The following HIVEP3 variants were observed in gnomAD, a reference collection of about 807,000 sequenced individuals.
HIVEP3 encodes the protein transcription factor HIVEP3.
In HIVEP3, 49 loss-of-function variants were observed where a neutral mutation model predicts 152.8. That is an observed-to-expected ratio of 0.32 (90% CI 0.26 to 0.41). The LOEUF (loss-of-function observed/expected upper bound fraction) is 0.41, where lower values mean the gene tolerates loss of function less well. Ranked by LOEUF, HIVEP3 falls within the 10% of genes least tolerant of loss-of-function variation. HIVEP3 has a pLI of 1.00. For missense variants in HIVEP3, 2,790 were observed against 3,103.3 expected (o/e 0.90, Z 2.40); for synonymous variants, 1,269 against 1,289.0 (o/e 0.98, Z 0.33).
At chr1:41,518,695 A>G (rs1325553469) in intron 6 of HIVEP3, among the ~76,000 whole-genome samples, 1 of 152,172 alleles carries the variant, frequency 6.6e-6, no homozygotes, top group Non-Finnish European at 1.5e-5. Context: ...TGTTCAGGGC[A>G]GTGCACAGCA....
chr1:41,585,839 G>T (rs1228560741), intron 3 of HIVEP3, among the ~76,000 whole-genome samples: 1 of 152,174 alleles, frequency 6.6e-6, no homozygotes, highest in Non-Finnish European at 1.5e-5. Context: ...GGAGGGAAGT[G>T]CCTGTGGTTT....
intron 5 of HIVEP3, among the ~76,000 whole-genome samples, chr1:41,541,072 A>C (rs1173605619): frequency 1.3e-5 from 2 of 152,142 alleles, no homozygotes; most frequent in Non-Finnish European, 2.9e-5. Flanking sequence ...CTGCGAGTGC[A>C]GTGGTTAGGC....
chr1:41,526,262 C>A (rs1242809257), intron 5 of HIVEP3, among the ~76,000 whole-genome samples: 1 of 151,374 alleles, frequency 6.6e-6, no homozygotes, highest in African/African-American at 2.4e-5. Flanking sequence ...CACATGCTCA[C>A]ACCCACACAC....
intron 2 of HIVEP3, among the ~76,000 whole-genome samples, chr1:41,639,771 G>GA (rs1324345474): frequency 1.3e-5 from 2 of 152,158 alleles, no homozygotes; most frequent in Admixed American, 1.3e-4. Context: ...GCTGCCTTGG[G>GA]AACCTTCCCG....
At chr1:41,679,677 G>A (rs1646009319) in intron 2 of HIVEP3, among the ~76,000 whole-genome samples, 2 of 152,194 alleles carry the variant, frequency 1.3e-5, no homozygotes, top group Non-Finnish European at 2.9e-5. Flanking sequence ...AGCTCTGCTT[G>A]GCTCCAGACT....
intron 1 of HIVEP3, among the ~76,000 whole-genome samples, chr1:41,852,428 A>C (rs1164513723): frequency 6.6e-6 from 1 of 152,146 alleles, no homozygotes; most frequent in Non-Finnish European, 1.5e-5. Flanking sequence ...TTTGGCCCAA[A>C]TGCTTTGGAT....
At chr1:41,892,606 G>T (rs1279263243) in intron 1 of HIVEP3, among the ~76,000 whole-genome samples, 2 of 152,190 alleles carry the variant, frequency 1.3e-5, no homozygotes, top group East Asian at 3.8e-4. Context: ...TTGAACGTTG[G>T]CTCTCCTCTT....
intron 1 of HIVEP3, among the ~76,000 whole-genome samples, chr1:41,738,268 C>A (rs562057619): frequency 1.1e-4 from 17 of 152,262 alleles, no homozygotes; most frequent in African/African-American, 4.1e-4. Context: ...CCTTGTACTG[C>A]GCAGAAATCG....
At chr1:41,612,335 C>T (rs74069949) in intron 3 of HIVEP3, among the ~76,000 whole-genome samples, 4 of 152,304 alleles carry the variant, frequency 2.6e-5, no homozygotes, top group East Asian at 3.9e-4. Context: ...TGCCGCCTTA[C>T]GTTAGTGCAG....
chr1:41,656,697 AACTAAC>A (rs1645634162), intron 2 of HIVEP3, among the ~76,000 whole-genome samples: 1 of 152,182 alleles, frequency 6.6e-6, no homozygotes, highest in Non-Finnish European at 1.5e-5. Context: ...TGCTCATCTC[AACTAAC>A]ACTCACAGTG....
chr1:41,607,820 G>A (rs1644842934), intron 3 of HIVEP3, among the ~76,000 whole-genome samples: 1 of 152,176 alleles, frequency 6.6e-6, no homozygotes, highest in Admixed American at 6.5e-5. Flanking sequence ...GAGTTTAAGT[G>A]GCCATGGCTG....
At chr1:41,884,085 C>G (rs1430247593) in intron 1 of HIVEP3, among the ~76,000 whole-genome samples, 1 of 152,156 alleles carries the variant, frequency 6.6e-6, no homozygotes, top group African/African-American at 2.4e-5. Context: ...CGTGCCTCAG[C>G]CTCCCTGGTA....
In HIVEP3 at chr1:41,582,807, T is replaced by G. The variant is rs758267609; in HGVS notation, c.1991A>C (p.Tyr664Ser). The change falls in exon 4 of 9, where the codon TAC (tyrosine) becomes TCC (serine). Residue 664 changes from tyrosine to serine, a missense_variant. Around this residue, in one of 9 missense-constraint regions of HIVEP3, gnomAD observed 339 missense variants for 327.0 expected, o/e 1.04. Coordinates refer to ENST00000372583, the MANE Select transcript of HIVEP3 (RefSeq NM_024503.5). The surrounding 1 kb of genome is among the most constrained non-coding windows in gnomAD (Gnocchi z 4.7). ...TGCGATCTGAAGCTCTGAGCAGTAG[T>G]ATTTTTTGTGGGCTTCGTAGTTATC... ...KRDNYEAHKK[Y>S]YCSELQIAKP... The G allele has an allele frequency of 1.2e-6, 2 of 1,614,068 alleles. No individual in the cohort carries two copies. The highest frequency in any genetic ancestry group is 2.7e-5 in the African/African-American group (2 of 74,920).
chr1:41,945,539 G>C (rs1645070072), intron 1 of HIVEP3, among the ~76,000 whole-genome samples: 1 of 152,206 alleles, frequency 6.6e-6, no homozygotes, highest in African/African-American at 2.4e-5. Flanking sequence ...TGCAGGCCGA[G>C]AGTTTGGTGA....
At chr1:41,668,313 T>A (rs997373156) in intron 2 of HIVEP3, among the ~76,000 whole-genome samples, 1 of 152,210 alleles carries the variant, frequency 6.6e-6, no homozygotes, top group Non-Finnish European at 1.5e-5. Context: ...GCCGAAGACA[T>A]GGGCGAGAGA....
intron 1 of HIVEP3, among the ~76,000 whole-genome samples, chr1:41,953,469 A>G (rs1430343625): frequency 2.0e-5 from 3 of 152,220 alleles, no homozygotes; most frequent in African/African-American, 7.2e-5. Context: ...ACTTAGCACA[A>G]TGCCAGGTAC....
At chr1:41,523,676 G>A (rs1027334982) in intron 6 of HIVEP3, among the ~76,000 whole-genome samples, 4 of 152,128 alleles carry the variant, frequency 2.6e-5, no homozygotes, top group Non-Finnish European at 4.4e-5. Context: ...GCCCAGCCTC[G>A]CTTGCTGGGA....
chr1:42,005,706 A>C (rs1180793522), intron 1 of HIVEP3, among the ~76,000 whole-genome samples: 2 of 152,226 alleles, frequency 1.3e-5, no homozygotes, highest in Non-Finnish European at 2.9e-5. Flanking sequence ...ACTATGAATC[A>C]CTAGTGAAGA....
At chr1:41,958,749 T>C (rs1005535765) in intron 1 of HIVEP3, among the ~76,000 whole-genome samples, 18 of 152,218 alleles carry the variant, frequency 1.2e-4, no homozygotes, top group Admixed American at 3.3e-4. Flanking sequence ...GAAGCAGGAC[T>C]GTTCACCCAC....
Sources: gnomAD v4.1 joint callset for allele counts (sites outside exome capture counted in the v4.1 genomes callset) on GRCh38, gnomAD v4.1.1 for gene constraint, gnomAD v4.1.1 regional missense constraint, Gnocchi (gnomAD v3.1) non-coding constraint, MANE v1.5 for transcripts, NCBI Gene and HGNC (gene_info 2026-07-23, HGNC 2026-07-21) for gene names.